RUFY2: variants seen among roughly 807,000 people sequenced by gnomAD.
RUFY2 encodes RUN and FYVE domain-containing protein 2.
RUFY2 carries 49 observed loss-of-function variants against 94.4 expected under a neutral mutation model. That is an observed-to-expected ratio of 0.52 (90% CI 0.41 to 0.66). The LOEUF (loss-of-function observed/expected upper bound fraction) is 0.66, where lower values mean the gene tolerates loss of function less well. RUFY2 is among the 30% of genes least tolerant of loss of function. The pLI is 0.00. For synonymous variants in RUFY2, 255 were observed against 235.7 expected (o/e 1.08, Z -0.75); for missense variants, 541 against 692.8 (o/e 0.78, Z 2.46).
chr10:68,378,445 T>C, intron 12 of RUFY2: 1 of 1,308,140 alleles, frequency 7.6e-7, no homozygotes, highest in Non-Finnish European at 9.7e-7. Flanking sequence ...CCAAGAAATG[T>C]ACAGGGTTCC....
intron 2 of RUFY2, 66 bp downstream of exon 2, chr10:68,404,605 C>T (rs2051126507): frequency 1.7e-6 from 2 of 1,184,438 alleles, no homozygotes; most frequent in Non-Finnish European, 2.3e-6. Context: ...AAAAATAACC[C>T]ATTCTCAAGG....
At chr10:68,377,828 C>A in intron 12 of RUFY2, 1 of 985,322 alleles carries the variant, frequency 1.0e-6, no homozygotes, top group Non-Finnish European at 1.2e-6. Flanking sequence ...AATTTCGGTT[C>A]AACTAACTAA....
chr10:68,370,457 T>TTC (rs2048187744), intron 13 of RUFY2, among the ~76,000 whole-genome samples: 1 of 149,994 alleles, frequency 6.7e-6, no homozygotes, highest in South Asian at 2.1e-4. Flanking sequence ...TCTTTTTTTT[T>TTC]TTTTTTTTTT....
Position 68,381,323 on chromosome 10 carries a change from T to A in RUFY2, c.1016A>T (p.Asp339Val). The A allele has an allele frequency of 6.2e-7, 1 of 1,614,102 alleles. No individual in the cohort carries two copies. Among genetic ancestry groups the A allele is most frequent in the Non-Finnish European group, 8.5e-7 (1 of 1,179,948 alleles). ...IELAMKLLEK[D>V]IHEKQDTLIG... ...CAGAGTATCTTGTTTCTCATGGATA[T>A]CTTTCTCCAGCAACTTCATGGCAAG... Residue 339 changes from aspartate (D) to valine (V), a missense_variant, in exon 11 of 18, where the codon GAT becomes GTT. Physicochemically the swap from Asp to Val is radical, Grantham distance 152. This residue lies in a region of RUFY2 where 403 missense variants were observed against 480.7 expected (regional missense o/e 0.84). Transcript: ENST00000602465.
At chr10:68,369,681 G>A (rs1465019414) in intron 13 of RUFY2, among the ~76,000 whole-genome samples, 1 of 152,112 alleles carries the variant, frequency 6.6e-6, no homozygotes, top group Non-Finnish European at 1.5e-5. Flanking sequence ...AAGCACTTTG[G>A]GAGGCCAAGG....
chr10:68,369,638 T>A lies in RUFY2; in HGVS notation c.1326-5525A>T, dbSNP rs1247192877. Among the ~76,000 whole-genome samples the A allele has an allele frequency of 2.6e-5, 4 of 151,978 alleles. No homozygotes were observed. The East Asian group carries it at 7.8e-4, about 30-fold the overall frequency. ...GGGTCTGTTATAACAGCCAGTTTGG[T>A]AGGCCAGGAATGGTGGCTGACACCT... On this transcript the variant is annotated intron_variant, in intron 13 of 17. Transcript: ENST00000602465.
In RUFY2 at chr10:68,379,424, C is replaced by A; in HGVS notation, c.1205G>T (p.Arg402Ile). 1.3e-6 allele frequency: 2 copies of A among 1,598,394 alleles called. No homozygotes were observed. Among genetic ancestry groups the A allele is most frequent in the East Asian group, 2.3e-5 (1 of 44,390 alleles). Reference sequence around the variant, plus strand: ...GAAACTAAGACTGGAAATGCTGTACCTTTGTTCCAGCTGCCTCATGGCTGC... The same window carrying A: ...GAAACTAAGACTGGAAATGCTGTACATTTGTTCCAGCTGCCTCATGGCTGC... The part of the protein sequence containing the change: ...ITAAMRQLEQ[R>I]LQQAEKAQME... The change falls in exon 12 of 18, where the codon AGA becomes ATA. Residue 402 changes from arginine (R) to isoleucine (I), a missense_variant and splice_region_variant. Coordinates refer to ENST00000602465, the MANE Select transcript of RUFY2 (RefSeq NM_001330103.2).
At chr10:68,349,569 C>T (rs954274564) in intron 16 of RUFY2, among the ~76,000 whole-genome samples, 2 of 151,720 alleles carry the variant, frequency 1.3e-5, no homozygotes, top group Non-Finnish European at 2.9e-5. Flanking sequence ...GACAGAGTCT[C>T]GCTCTGTCAC....
intron 3 of RUFY2, among the ~76,000 whole-genome samples, chr10:68,399,880 C>G (rs1342175809): frequency 2.0e-5 from 3 of 152,120 alleles, no homozygotes; most frequent in African/African-American, 7.2e-5. Flanking sequence ...CTCCCGGGTT[C>G]AAGCAATTCT....
intron 10 of RUFY2, among the ~76,000 whole-genome samples, chr10:68,382,227 T>G (rs1036797204): frequency 2.0e-5 from 3 of 149,530 alleles, no homozygotes; most frequent in African/African-American, 7.6e-5. Flanking sequence ...TTTTTTTTTT[T>G]TTGTATTTTT....
chr10:68,369,111 A>G (rs1250237850), intron 13 of RUFY2, among the ~76,000 whole-genome samples: 1 of 152,214 alleles, frequency 6.6e-6, no homozygotes, highest in Non-Finnish European at 1.5e-5. Flanking sequence ...CCCCAGCAGT[A>G]ATAAGGCATC....
chr10:68,394,330 G>T lies in RUFY2; in HGVS notation c.520C>A (p.Gln174Lys), dbSNP rs1200753854. The change falls in exon 5 of 18, where the codon CAA (glutamine) becomes AAA (lysine). Residue 174 changes from glutamine to lysine, a missense_variant and splice_region_variant. By Grantham distance (53) the Gln-to-Lys change is moderately conservative (BLOSUM62 1). Coordinates refer to ENST00000602465, the MANE Select transcript of RUFY2 (RefSeq NM_001330103.2). ...TGGCACTAGTCACTTTCACTTACTT[G>T]TGAGTCTAAATCCTCTCCCTTCACA... Reference protein sequence around the residue: ...LCVKGEDLDSQVGVIDFSMYL... With the variant: ...LCVKGEDLDSKVGVIDFSMYL... The T allele has an allele frequency of 1.2e-6, 2 of 1,613,744 alleles. No individual in the cohort carries two copies. The highest frequency in any genetic ancestry group is 8.5e-7 in the Non-Finnish European group (1 of 1,179,870).
chr10:68,371,570 G>A (rs2048284987), intron 13 of RUFY2, among the ~76,000 whole-genome samples: 1 of 150,016 alleles, frequency 6.7e-6, no homozygotes. Context: ...CTAGCCTGGC[G>A]ACAGAGCGAG....
intron 3 of RUFY2, among the ~76,000 whole-genome samples, chr10:68,400,815 A>G (rs991959604): frequency 4.6e-5 from 7 of 152,048 alleles, no homozygotes; most frequent in Admixed American, 3.3e-4. Flanking sequence ...GATCGAGACC[A>G]TTCTAGCTAA....
chr10:68,359,905 T>C lies in RUFY2; in HGVS notation c.1550+3685A>G, dbSNP rs1171239118. ...GAAAATAAGCCTGAAAGGAAATATATACATATATGTATACACGTATACATA... is the reference window on the plus strand; with the variant it reads ...GAAAATAAGCCTGAAAGGAAATATACACATATATGTATACACGTATACATA... On this transcript the variant is annotated intron_variant, in intron 15 of 17. Coordinates refer to ENST00000602465, the MANE Select transcript of RUFY2 (RefSeq NM_001330103.2). Among the ~76,000 whole-genome samples the C allele has an allele frequency of 2.6e-5, 4 of 151,918 alleles. No homozygotes were observed. The East Asian group carries it at 7.7e-4, about 29-fold the overall frequency.
intron 3 of RUFY2, among the ~76,000 whole-genome samples, chr10:68,397,314 G>T (rs2050461799): frequency 6.6e-6 from 1 of 152,148 alleles, no homozygotes; most frequent in African/African-American, 2.4e-5. Flanking sequence ...TTAACTATTT[G>T]TGTATCTAAA....
chr10:68,344,752 T>TGG lies in RUFY2; in HGVS notation c.*1014_*1015dup, dbSNP rs1223092812. The TGG allele has an allele frequency of 4.6e-5, 7 of 152,210 alleles. No individual in the cohort carries two copies. In the East Asian group the frequency reaches 1.3e-3, roughly 29 times the overall value. 9.4% of individuals were successfully genotyped at this position (152,210 alleles called of 1,614,324 possible). On this transcript the variant is annotated 3_prime_UTR_variant, in exon 18 of 18. Coordinates refer to ENST00000602465, the MANE Select transcript of RUFY2 (RefSeq NM_001330103.2). ...ACACCCTTGGCATAGAGGTGCTCAA[T>TGG]GGACATGGTGAAATTTTACTGTGGA...
chr10:68,341,473 A>G (rs2045934373), downstream of RUFY2: 3 of 997,678 alleles, frequency 3.0e-6, no homozygotes, highest in African/African-American at 3.3e-5. Context: ...CTAGTAATTA[A>G]TAAGCATACT....
At chr10:68,384,323 T>TA (rs1228847224) in intron 8 of RUFY2, among the ~76,000 whole-genome samples, 171 bp from the exon 9 acceptor site, 9 of 152,234 alleles carry the variant, frequency 5.9e-5, no homozygotes, top group Admixed American at 5.9e-4. Context: ...TATCCCAAGA[T>TA]ACCAATTTTA....
Sources: allele counts gnomAD v4.1 joint callset (sites outside exome capture counted in the v4.1 genomes callset), GRCh38; gene constraint gnomAD v4.1.1; regional missense constraint gnomAD v4.1.1; transcripts MANE v1.5; gene names NCBI Gene and HGNC (gene_info 2026-07-23, HGNC 2026-07-21).